Variants in SPNS1 observed in about 807,000 individuals in gnomAD.
SPNS1 encodes protein spinster homolog 1.
SPNS1 carries 22 observed loss-of-function variants against 50.3 expected under a neutral mutation model. The ratio of observed to expected loss-of-function variants is 0.44; its 90% CI spans 0.31 to 0.62. SPNS1 has a LOEUF of 0.62. SPNS1 is among the 20% of genes least tolerant of loss of function. The pLI is 0.07. For synonymous variants in SPNS1, 295 were observed against 317.4 expected (o/e 0.93, Z 0.75); for missense variants, 576 against 728.6 (o/e 0.79, Z 2.41).
chr16:28,975,557 G>T lies in SPNS1; in HGVS notation c.307G>T (p.Val103Leu), dbSNP rs1965313984. 1 of 1,614,020 alleles carries T rather than the reference G, an allele frequency of 6.2e-7. No individual in the cohort carries two copies. The change falls in exon 2 of 12, where the codon GTG (valine) becomes TTG (leucine). Residue 103 changes from valine to leucine, a missense_variant and splice_region_variant. By Grantham distance (32) the Val-to-Leu change is conservative. Around this residue, in one of 3 missense-constraint regions of SPNS1, gnomAD observed 144 missense variants for 181.2 expected, o/e 0.79. Coordinates refer to ENST00000311008, the MANE Select transcript of SPNS1 (RefSeq NM_032038.3). ...CAGTAGCTCTGGGCTCATCCAGACC[G>T]GTGAGTGGGGACCACTCCTGGTCAC... is the stretch of plus-strand genomic sequence containing the variant. ...GDSSSGLIQT[V>L]FISSYMVLAP... is the part of the protein sequence containing the mutation.
At chr16:28,978,531 A>G (rs1037535421) in intron 3 of SPNS1, 30 of 159,538 alleles carry the variant, frequency 1.9e-4, no homozygotes. Flanking sequence ...TGCTAAACAC[A>G]GCTCCAACTT....
At position 28,981,582 on chromosome 16, in the gene SPNS1, C is replaced by T. The variant is rs201586251; in HGVS notation, c.776C>T (p.Ser259Leu). ...HSDLPPLNPT[S>L]WWADLRALAR... ...GATTTGCCACCCCTGAACCCCACCT[C>T]GTGGTGGGCAGATCTGAGGGCTCTG... The change falls in exon 6 of 12, where the codon TCG (serine) becomes TTG (leucine). Residue 259 changes from serine to leucine, a missense_variant. Ser to Leu is a moderately radical substitution (Grantham distance 145, BLOSUM62 -2). Transcript: ENST00000311008. The surrounding 1 kb of genome is among the most constrained non-coding windows in gnomAD (Gnocchi z 4.2). 4.5e-5 allele frequency: 73 copies of T among 1,613,992 alleles called. No homozygotes were observed. Among genetic ancestry groups the T allele is most frequent in the Non-Finnish European group, 5.4e-5 (64 of 1,180,030 alleles).
Position 28,982,385 on chromosome 16 carries a change from C to T in SPNS1, c.995C>T (p.Thr332Ile). 2 of 1,604,822 alleles carry T rather than the reference C, an allele frequency of 1.2e-6. No homozygotes were observed. The highest frequency in any genetic ancestry group is 1.7e-6 in the Non-Finnish European group (2 of 1,174,212). Reference protein sequence around the residue: ...SLIFGLITCLTGVLGVGLGVE... With the variant: ...SLIFGLITCLIGVLGVGLGVE... The stretch of plus-strand genomic sequence containing the variant: ...ATCTTTGGACTCATCACCTGCCTGA[C>T]CGGAGTCCTGGGTGTGGGCCTGGGT... The change falls in exon 8 of 12, where the codon ACC (threonine) becomes ATC (isoleucine). Residue 332 changes from threonine to isoleucine, a missense_variant. Around this residue, in one of 3 missense-constraint regions of SPNS1, gnomAD observed 428 missense variants for 520.1 expected, o/e 0.82. Transcript: ENST00000311008.
Position 28,974,837 on chromosome 16 carries a change from A to C in SPNS1, c.-315A>C. The stretch of plus-strand genomic sequence containing the variant: ...TGGTGCAGCGCCCGGGCTGAGCGAC[A>C]GCAAGTGCAGCGGGCTCCTACCCCG... On this transcript the variant is annotated 5_prime_UTR_variant, in exon 1 of 12. Transcript: ENST00000311008. 3 of 1,535,664 alleles carry C rather than the reference A, an allele frequency of 2.0e-6. No individual in the cohort carries two copies. Among genetic ancestry groups the C allele is most frequent in the Non-Finnish European group, 2.6e-6 (3 of 1,146,568 alleles).
rs1384813948 is a variant in SPNS1, at chr16:28,981,738, C to T, written c.809+123C>T. ...CCAGTAATTCGGTCGATACTGTCCC[C>T]TTGTGGCAGCTGCTTGAATTACAGG... On this transcript the variant is annotated intron_variant, in intron 6 of 11. Transcript: ENST00000311008. This position sits in a 1 kb window ranked among gnomAD's most constrained non-coding sequence, Gnocchi z 4.2. 1.3e-6 allele frequency: 2 copies of T among 1,493,418 alleles called. No individual in the cohort carries two copies. Among genetic ancestry groups the T allele is most frequent in the African/African-American group, 1.4e-5 (1 of 72,352 alleles). 92.5% of individuals were successfully genotyped at this position (1,493,418 alleles called of 1,614,324 possible).
Sources: allele counts gnomAD v4.1 joint callset, GRCh38; gene constraint gnomAD v4.1.1; regional missense constraint gnomAD v4.1.1; non-coding constraint Gnocchi (gnomAD v3.1); transcripts MANE v1.5; gene names NCBI Gene and HGNC (gene_info 2026-07-23, HGNC 2026-07-21).